The following CFAP73 variants were observed in gnomAD, a reference collection of about 807,000 sequenced individuals.
CFAP73 encodes the protein cilia- and flagella-associated protein 73.
A neutral mutation model predicts 42.9 loss-of-function variants in CFAP73; 33 were observed. That is an observed-to-expected ratio of 0.77 (90% CI 0.58 to 1.03). The LOEUF is 1.03. Ranked by LOEUF, CFAP73 falls within the 50% of genes least tolerant of loss-of-function variation. The pLI, the probability that CFAP73 is intolerant of heterozygous loss-of-function variation, is 0.00. For missense variants in CFAP73, 392 were observed against 411.9 expected (o/e 0.95, Z 0.42); for synonymous variants, 162 against 186.8 (o/e 0.87, Z 1.08).
chr12:113,149,942 TAGA>T, intron 1 of CFAP73, 29 bp downstream of exon 1: 3 of 1,546,900 alleles, frequency 1.9e-6, no homozygotes, highest in Non-Finnish European at 1.7e-6. Flanking sequence ...GAGGGAGGGC[TAGA>T]AGGAGGGCGG....
chr12:113,154,491 C>A lies in CFAP73; in HGVS notation c.546C>A (p.Arg182=). The A allele has an allele frequency of 6.5e-7, 1 of 1,537,650 alleles. No homozygotes were observed. Among genetic ancestry groups the A allele is most frequent in the Non-Finnish European group, 8.7e-7 (1 of 1,142,996 alleles). ...AGGCGGCGCTGAGGCTCAGGGAGCG[C>A]GAGCAGCTCGCGGAGCTGGAGGCGG... ...ETQAALRLRE[R]EQLAELEAAR... The change falls in exon 5 of 8, where the codon CGC becomes CGA. Residue 182 remains arginine, a synonymous_variant. Transcript: ENST00000335621. The surrounding 1 kb of genome is among the most constrained non-coding windows in gnomAD (Gnocchi z 4.7).
rs1952151310 is a variant in CFAP73, at chr12:113,157,818, G to T, written c.*11+128G>T. 1.5e-5 allele frequency: 11 copies of T among 723,724 alleles called. No homozygotes were observed. In the South Asian group the frequency reaches 1.9e-4, roughly 12 times the overall value. 44.8% of individuals were successfully genotyped at this position (723,724 alleles called of 1,614,324 possible). On this transcript the variant is annotated intron_variant, in intron 7 of 7. Transcript: ENST00000335621. Reference sequence around the variant, plus strand: ...TTGGGAAGATGGGAGGGCTGTGCCTGTTCAGAGTGCTGTGGGCCTGCCATG... The same window carrying T: ...TTGGGAAGATGGGAGGGCTGTGCCTTTTCAGAGTGCTGTGGGCCTGCCATG...
At position 113,158,852 on chromosome 12, in the gene CFAP73, G is replaced by T. The variant is rs1267271949; in HGVS notation, c.*163G>T. 1.9e-6 allele frequency: 3 copies of T among 1,567,346 alleles called. No homozygotes were observed. The highest frequency in any genetic ancestry group is 3.5e-5 in the Admixed American group (2 of 56,864). ...GATGCCCACCCTAAGGCCAATCAAG[G>T]AGCCACGGGGCTGGGTCCTGGTCCT... On this transcript the variant is annotated 3_prime_UTR_variant, in exon 8 of 8. Transcript: ENST00000335621. The surrounding 1 kb of genome is among the most constrained non-coding windows in gnomAD (Gnocchi z 4.9).
intron 1 of CFAP73, among the ~76,000 whole-genome samples, chr12:113,151,584 C>A (rs192429955): frequency 1.3e-5 from 2 of 152,028 alleles, no homozygotes; most frequent in Non-Finnish European, 1.5e-5. Context: ...CTTGAGTCCA[C>A]GAGTTCAAGA....
At chr12:113,150,242 T>A (rs1952050120) in intron 1 of CFAP73, among the ~76,000 whole-genome samples, 1 of 152,168 alleles carries the variant, frequency 6.6e-6, no homozygotes, top group Non-Finnish European at 1.5e-5. Flanking sequence ...GGAAGCTTGT[T>A]CTGTGTCTCC....
At chr12:113,153,551 C>T (rs1462977224) in intron 4 of CFAP73, 143 bp downstream of exon 4, 2 of 679,926 alleles carry the variant, frequency 2.9e-6, no homozygotes, top group Non-Finnish European at 2.2e-6. Context: ...ACTTATGGAG[C>T]GCTCACTGTA....
rs1952084265 is a variant in CFAP73, at chr12:113,153,357, C to T, written c.417C>T (p.Arg139=). 3 of 1,493,082 alleles carry T rather than the reference C, an allele frequency of 2.0e-6. No individual in the cohort carries two copies. Among genetic ancestry groups the T allele is most frequent in the African/African-American group, 1.4e-5 (1 of 69,192 alleles). 92.5% of individuals were successfully genotyped at this position (1,493,082 alleles called of 1,614,324 possible). The change falls in exon 4 of 8, where the codon CGC becomes CGT. Residue 139 remains arginine (R), a synonymous_variant. Coordinates refer to ENST00000335621, the MANE Select transcript of CFAP73 (RefSeq NM_001144872.3). ...CGCGGCTGCAGCGCCGGCTTAAGCGCCTGGAGCCCTGCGCGCGCCTGCTGG... is the reference window on the plus strand; with the variant it reads ...CGCGGCTGCAGCGCCGGCTTAAGCGTCTGGAGCCCTGCGCGCGCCTGCTGG... ...EHARLQRRLK[R]LEPCARLLEQ...
chr12:113,153,084 T>C, intron 3 of CFAP73, 124 bp from the exon 4 acceptor site: 1 of 1,127,538 alleles, frequency 8.9e-7, no homozygotes. Context: ...AAGAGCCAGC[T>C]TCCGAGCCAG....
intron 6 of CFAP73, 167 bp from the exon 7 acceptor site, chr12:113,157,435 G>C (rs138494490): frequency 3.2e-6 from 2 of 621,664 alleles, no homozygotes; most frequent in African/African-American, 3.6e-5. Flanking sequence ...AACCCAGAAC[G>C]GTTTAGGATC....
chr12:113,151,268 G>C (rs1007240311), intron 1 of CFAP73, among the ~76,000 whole-genome samples: 2 of 152,158 alleles, frequency 1.3e-5, no homozygotes, highest in African/African-American at 4.8e-5. Context: ...GATCACATGA[G>C]GTCAGGATTT....
chr12:113,157,740 C>T, intron 7 of CFAP73, 50 bp downstream of exon 7: 1 of 1,348,536 alleles, frequency 7.4e-7, no homozygotes, highest in Non-Finnish European at 1.0e-6. Context: ...TAGGAGGGCC[C>T]ACATTTCCAA....
rs780328038 is a variant in CFAP73, at chr12:113,152,033, CACTACTGTAACG to C, written c.162+12_162+23del. 31 of 1,543,252 alleles carry C rather than the reference CACTACTGTAACG, an allele frequency of 2.0e-5. No individual in the cohort carries two copies. The highest frequency in any genetic ancestry group is 2.6e-5 in the Non-Finnish European group (30 of 1,139,890). ...GCAGGCCCAGAAGGAGGTGAGCCCC[CACTACTGTAACG>C]AGGTGGTGAGCTGGTGGATGGGAAG... On this transcript the variant is annotated intron_variant, in intron 2 of 7. Coordinates refer to ENST00000335621, the MANE Select transcript of CFAP73 (RefSeq NM_001144872.3).
chr12:113,154,532 A>T lies in CFAP73; in HGVS notation c.587A>T (p.Gln196Leu). ...CTGGAGGCGGCGCGAGCGCGGCTGC[A>T]GCAGCTGCGGGACGCCTGGCCGGAC... ...AELEAARARL[Q>L]QLRDAWPDEV... Residue 196 changes from glutamine (Q) to leucine (L), a missense_variant, in exon 5 of 8, where the codon CAG (glutamine) becomes CTG (leucine). Gln to Leu is a moderately radical substitution (Grantham distance 113). Transcript: ENST00000335621. The surrounding 1 kb of genome is among the most constrained non-coding windows in gnomAD (Gnocchi z 4.7). 5 of 1,499,658 alleles carry T rather than the reference A, an allele frequency of 3.3e-6. No individual in the cohort carries two copies. Among genetic ancestry groups the T allele is most frequent in the Non-Finnish European group, 3.5e-6 (4 of 1,131,202 alleles). 92.9% of individuals were successfully genotyped at this position (1,499,658 alleles called of 1,614,324 possible).
intron 4 of CFAP73, 103 bp downstream of exon 4, chr12:113,153,511 G>C (rs919381045): frequency 2.1e-6 from 2 of 962,332 alleles, no homozygotes; most frequent in South Asian, 4.2e-5. Context: ...TGAACTACTG[G>C]AGATCTTGGC....
At chr12:113,151,793 C>CAA (rs377474143) in intron 1 of CFAP73, 125 bp from the exon 2 acceptor site, 9,753 of 448,864 alleles carry the variant, frequency 0.022, 47 homozygotes, top group East Asian at 0.1. Context: ...AAACAAGTCT[C>CAA]AAAAAAAAAA....
chr12:113,154,397 C>T lies in CFAP73; in HGVS notation c.469-17C>T. 1 of 1,548,546 alleles carries T rather than the reference C, an allele frequency of 6.5e-7. No homozygotes were observed. Among genetic ancestry groups the T allele is most frequent in the Non-Finnish European group, 8.7e-7 (1 of 1,146,098 alleles). ...ACTGCAGGCCCATGTGAGTCCCTTC[C>T]CCGCCCCCGACTCTAGTTCCAAGAG... On this transcript the variant is annotated splice_polypyrimidine_tract_variant and intron_variant, in intron 4 of 7. Transcript: ENST00000335621. The surrounding 1 kb of genome is among the most constrained non-coding windows in gnomAD (Gnocchi z 4.7).
rs894519460 is a variant in CFAP73 at position 113,153,143 on chromosome 12, A to T, written c.268-65A>T. ...GCGAGCGAATGTCAGGGCAGGATGG[A>T]GGTGCCGAACTCCCCGCCAGCTCCT... is the stretch of plus-strand genomic sequence containing the variant. On this transcript the variant is annotated intron_variant, in intron 3 of 7. Transcript: ENST00000335621. The T allele has an allele frequency of 1.5e-5, 21 of 1,405,838 alleles. No individual in the cohort carries two copies. In the African/African-American group the frequency reaches 2.9e-4, roughly 20 times the overall value. 87.1% of individuals were successfully genotyped at this position (1,405,838 alleles called of 1,614,324 possible). A position where few individuals can be genotyped will look rare whatever the true frequency, so the allele number is the denominator to read the frequency against.
intron 6 of CFAP73, chr12:113,156,654 G>A (rs1471708019): frequency 1.3e-5 from 2 of 152,134 alleles, no homozygotes; most frequent in African/African-American, 4.8e-5. Context: ...CCTCCTAGTT[G>A]GTTGGATGCA....
intron 3 of CFAP73, 112 bp from the exon 4 acceptor site, chr12:113,153,096 C>T (rs1952080355): frequency 8.2e-7 from 1 of 1,216,828 alleles, no homozygotes; most frequent in Non-Finnish European, 1.1e-6. Flanking sequence ...CCGAGCCAGG[C>T]CTGCTGGCCG....
Sources: gnomAD v4.1 joint callset for allele counts (sites outside exome capture counted in the v4.1 genomes callset) on GRCh38, gnomAD v4.1.1 for gene constraint, Gnocchi (gnomAD v3.1) non-coding constraint, MANE v1.5 for transcripts, NCBI Gene and HGNC (gene_info 2026-07-23, HGNC 2026-07-21) for gene names.